Variants in ART3 observed in about 807,000 individuals in gnomAD.
The protein encoded by ART3 is ecto-ADP-ribosyltransferase 3.
In ART3, 49 loss-of-function variants were observed where a neutral mutation model predicts 48.5. The observed-to-expected ratio is 1.01, with a 90% confidence interval of 0.80 to 1.28. The LOEUF is 1.28. Ranked by LOEUF, ART3 falls within the 50% of genes most tolerant of loss-of-function variation. The pLI, the probability that ART3 is intolerant of heterozygous loss-of-function variation, is 0.00. For synonymous variants in ART3, 145 were observed against 157.2 expected (o/e 0.92, Z 0.58); for missense variants, 438 against 454.3 (o/e 0.96, Z 0.33).
At chr4:76,017,434 T>C (rs941673551) in intron 1 of ART3, among the ~76,000 whole-genome samples, 1 of 151,982 alleles carries the variant, frequency 6.6e-6, no homozygotes, top group African/African-American at 2.4e-5. Flanking sequence ...CTACTGTGGC[T>C]GAACTCGTAT....
intron 1 of ART3, among the ~76,000 whole-genome samples, chr4:76,011,887 A>G (rs2149347345): frequency 6.6e-6 from 1 of 152,332 alleles, no homozygotes; most frequent in South Asian, 2.1e-4. Flanking sequence ...GGAAGGAGAA[A>G]ATCCCATTGA....
intron 1 of ART3, among the ~76,000 whole-genome samples, chr4:76,025,891 T>C (rs1395104479): frequency 1.3e-5 from 2 of 152,192 alleles, no homozygotes; most frequent in Non-Finnish European, 2.9e-5. Context: ...TATGCTTTCA[T>C]TTTGTGGGGT....
Position 76,075,869 on chromosome 4 carries a change from A to T in ART3, c.-9-12A>T. 6.2e-7 allele frequency: 1 copy of T among 1,602,344 alleles called. No individual in the cohort carries two copies. The highest frequency in any genetic ancestry group is 1.7e-4 in the Middle Eastern group (1 of 6,008). ...GAGTCTACTGAATTGAAATTTCTTT[A>T]TTTTAATTTAGAAGAGAAAAATGAA... On this transcript the variant is annotated splice_polypyrimidine_tract_variant and intron_variant, in intron 1 of 11. Coordinates refer to ENST00000355810, the MANE Select transcript of ART3 (RefSeq NM_001130016.3).
Position 76,017,249 on chromosome 4 carries a change from G to A in ART3, c.-10+5929G>A, listed in dbSNP as rs141060070. Among the ~76,000 whole-genome samples the A allele has an allele frequency of 7.0e-4, 105 of 150,314 alleles. 1 individual carries two copies. Among genetic ancestry groups the A allele is most frequent in the African/African-American group, 2.4e-3 (98 of 40,826 alleles). On this transcript the variant is annotated intron_variant, in intron 1 of 9. Transcript: ENST00000341029. ...ACTGTGTACTACCTGGGTATTGGCTGCTGGTTATTCAGTGCCCAAGGGCTC... is the reference window on the plus strand; with the variant it reads ...ACTGTGTACTACCTGGGTATTGGCTACTGGTTATTCAGTGCCCAAGGGCTC...
At chr4:76,096,073 C>T (rs1725946795) in intron 3 of ART3, among the ~76,000 whole-genome samples, 1 of 152,136 alleles carries the variant, frequency 6.6e-6, no homozygotes, top group African/African-American at 2.4e-5. Flanking sequence ...TAGGCACGCA[C>T]CATCACGCTG....
chr4:76,098,619 T>C (rs1462490980), intron 4 of ART3, among the ~76,000 whole-genome samples: 80 of 151,642 alleles, frequency 5.3e-4, no homozygotes, highest in African/African-American at 1.9e-3. Flanking sequence ...ATTAGCCAGG[T>C]GTGGTGGCAG....
chr4:76,070,874 A>G (rs1720241146), upstream of ART3, among the ~76,000 whole-genome samples: 1 of 152,064 alleles, frequency 6.6e-6, no homozygotes, highest in East Asian at 1.9e-4. Flanking sequence ...CCTCCTGTTC[A>G]TATTAGATGA....
intron 3 of ART3, among the ~76,000 whole-genome samples, chr4:76,089,864 G>C (rs374775329): frequency 6.6e-6 from 1 of 152,018 alleles, no homozygotes; most frequent in Non-Finnish European, 1.5e-5. Flanking sequence ...GGCAGATCAC[G>C]GGGTCAGGTG....
chr4:76,075,984 G>T, intron 2 of ART3, 26 bp downstream of exon 2: 1 of 1,543,034 alleles, frequency 6.5e-7, no homozygotes, highest in South Asian at 1.2e-5. Flanking sequence ...GGAAGCATGT[G>T]GTCATTGGAA....
At chr4:76,098,819 A>G (rs746880343) in intron 4 of ART3, 136 bp from the exon 5 acceptor site, 52 of 694,872 alleles carry the variant, frequency 7.5e-5, no homozygotes, top group Non-Finnish European at 6.4e-5. Flanking sequence ...TATATCTGTT[A>G]TAGTAACTGT....
chr4:76,104,078 A>G lies in ART3; in HGVS notation c.970+109A>G, dbSNP rs1727931774. 13 of 1,217,276 alleles carry G rather than the reference A, an allele frequency of 1.1e-5. No homozygotes were observed. In the East Asian group the frequency reaches 2.6e-4, roughly 24 times the overall value. The allele number at this position is 1,217,276 out of a possible 1,614,324, so 75.4% of individuals were successfully genotyped here. On this transcript the variant is annotated intron_variant, in intron 9 of 11. Coordinates refer to ENST00000355810, the MANE Select transcript of ART3 (RefSeq NM_001130016.3). ...ACTATTATTCATGAATATTTCCCTT[A>G]TAGCTACCTGCCAGTCATCTACAAA...
chr4:76,109,436 T>A (rs1345955642), intron 11 of ART3, among the ~76,000 whole-genome samples: 1 of 152,134 alleles, frequency 6.6e-6, no homozygotes, highest in Non-Finnish European at 1.5e-5. Context: ...CTGGAGTAGC[T>A]CCTGAAGGAC....
chr4:76,112,512 C>A lies in ART3; in HGVS notation c.1163C>A (p.Ala388Asp). The change falls in exon 12 of 12, where the codon GCT becomes GAT. Residue 388 changes from alanine to aspartate, a missense_variant. Physicochemically the swap from Ala to Asp is moderately radical, Grantham distance 126. Around this residue, in one of 3 missense-constraint regions of ART3, gnomAD observed 227 missense variants for 229.6 expected, o/e 0.99. Coordinates refer to ENST00000355810, the MANE Select transcript of ART3 (RefSeq NM_001130016.3). ...GTTTCTGCTATAAATCTCTTTGTTG[C>A]TCTGTAGTTTGATGCATTGTTTATC... ...ISVSAINLFV[A>D]L 2 of 1,612,294 alleles carry A rather than the reference C, an allele frequency of 1.2e-6. No individual in the cohort carries two copies. Among genetic ancestry groups the A allele is most frequent in the East Asian group, 4.5e-5 (2 of 44,776 alleles).
intron 2 of ART3, among the ~76,000 whole-genome samples, chr4:76,076,293 C>T (rs1018347683): frequency 6.6e-6 from 1 of 152,072 alleles, no homozygotes; most frequent in East Asian, 1.9e-4. Context: ...CGTGAGCCAC[C>T]GCGCTTGGCC....
intron 1 of ART3, chr4:76,035,223 CTA>C: frequency 6.2e-7 from 1 of 1,614,088 alleles, no homozygotes; most frequent in Non-Finnish European, 8.5e-7. Flanking sequence ...TACATCACTT[CTA>C]TTTTGTCACA....
chr4:76,023,596 G>A, intron 1 of ART3: 2 of 555,678 alleles, frequency 3.6e-6, no homozygotes, highest in East Asian at 5.6e-5. Flanking sequence ...AGCAAAACCT[G>A]CTGGCTGTTC....
Position 76,103,801 on chromosome 4 carries a change from T to C in ART3, c.938-136T>C, listed in dbSNP as rs568832792. On this transcript the variant is annotated intron_variant, in intron 8 of 11. Coordinates refer to ENST00000355810, the MANE Select transcript of ART3 (RefSeq NM_001130016.3). ...GAGCCATTGAAAGGTGTTTTTGTTG[T>C]TGCTGTTTCTTTTTTCTTTCCCCCT... 5 of 725,170 alleles carry C rather than the reference T, an allele frequency of 6.9e-6. No individual in the cohort carries two copies. In the East Asian group the frequency reaches 1.4e-4, roughly 20 times the overall value. The allele number at this position is 725,170 out of a possible 1,614,324, so 44.9% of individuals were successfully genotyped here.
At chr4:76,035,092 T>C in intron 1 of ART3, 6 of 1,601,636 alleles carry the variant, frequency 3.7e-6, no homozygotes, top group Non-Finnish European at 5.1e-6. Flanking sequence ...TTAGGCATCG[T>C]TGTCCTTTAT....
In ART3 at chr4:76,112,429, T is replaced by C; in HGVS notation, c.1080T>C (p.Ser360=). The C allele has an allele frequency of 6.2e-7, 1 of 1,614,162 alleles. No homozygotes were observed. The highest frequency in any genetic ancestry group is 8.5e-7 in the Non-Finnish European group (1 of 1,180,030). The change falls in exon 12 of 12, where the codon TCT becomes TCC. Residue 360 remains serine, a synonymous_variant. Transcript: ENST00000355810. ...TTCCAGGTCCCAAAAGCCATCCTTCTGCATCCTCGGGCAAACTGCTGCTTC... is the reference window on the plus strand; with the variant it reads ...TTCCAGGTCCCAAAAGCCATCCTTCCGCATCCTCGGGCAAACTGCTGCTTC... ...VPVPGPKSHP[S]ASSGKLLLPQ... is the part of the protein sequence containing the mutation.
Sources: allele counts gnomAD v4.1 joint callset (sites outside exome capture counted in the v4.1 genomes callset), GRCh38; gene constraint gnomAD v4.1.1; regional missense constraint gnomAD v4.1.1; transcripts MANE v1.5; gene names NCBI Gene and HGNC (gene_info 2026-07-23, HGNC 2026-07-21).